ERC2: variants seen among roughly 807,000 people sequenced by gnomAD.
The protein encoded by ERC2 is ERC protein 2.
ERC2 carries 42 observed loss-of-function variants against 114.8 expected under a neutral mutation model. The observed-to-expected ratio is 0.37, with a 90% CI of 0.29 to 0.47. The LOEUF is 0.47. Among genes scored for constraint, ERC2 ranks in the 20% least tolerant of loss-of-function variants. The probability of loss-of-function intolerance (pLI) is 0.99; values close to 1 mark genes in which losing one functional copy is unlikely to be tolerated. For synonymous variants in ERC2, 454 were observed against 425.5 expected, an observed-to-expected ratio of 1.07 and a Z score of -0.82; for missense variants, 939 against 1,150.7, an observed-to-expected ratio of 0.82 and a Z score of 2.66.
intron 17 of ERC2, among the ~76,000 whole-genome samples, chr3:55,641,037 C>T (rs1473435996): frequency 1.3e-5 from 2 of 152,162 alleles, no homozygotes; most frequent in Non-Finnish European, 2.9e-5. Context: ...GGCTTCCATA[C>T]ATCTGGGGTG....
intron 12 of ERC2, among the ~76,000 whole-genome samples, chr3:55,979,820 T>C (rs2069928548): frequency 6.6e-6 from 1 of 151,802 alleles, no homozygotes; most frequent in African/African-American, 2.4e-5. Context: ...GTGGTAGGCC[T>C]GTAGTTCTAG....
chr3:56,175,839 A>G (rs2082946956), intron 3 of ERC2, among the ~76,000 whole-genome samples: 6 of 152,214 alleles, frequency 3.9e-5, no homozygotes, highest in Admixed American at 2.6e-4. Flanking sequence ...AGTTTTTAAT[A>G]TAATTTATTT....
At chr3:55,593,809 C>T (rs1269325322) in intron 17 of ERC2, among the ~76,000 whole-genome samples, 4 of 152,162 alleles carry the variant, frequency 2.6e-5, no homozygotes, top group African/African-American at 9.7e-5. Context: ...CAAAGAGGCC[C>T]CATTCTCCCC....
At chr3:56,327,430 G>C (rs2057413545) in intron 2 of ERC2, among the ~76,000 whole-genome samples, 1 of 152,124 alleles carries the variant, frequency 6.6e-6, no homozygotes, top group African/African-American at 2.4e-5. Flanking sequence ...CTTGATACGT[G>C]GGGATTACAA....
chr3:56,429,831 T>C (rs996739799), intron 2 of ERC2, among the ~76,000 whole-genome samples: 1 of 152,072 alleles, frequency 6.6e-6, no homozygotes, highest in Non-Finnish European at 1.5e-5. Flanking sequence ...AGCTCCAAGG[T>C]TCCAAATAGT....
At chr3:55,936,701 G>T (rs184283438) in intron 13 of ERC2, among the ~76,000 whole-genome samples, 115 of 152,278 alleles carry the variant, frequency 7.6e-4, no homozygotes, top group Non-Finnish European at 1.4e-3. Context: ...CAGTCAGTGA[G>T]GGAAACAATG....
intron 14 of ERC2, among the ~76,000 whole-genome samples, chr3:55,755,747 T>C (rs890649382): frequency 2.0e-5 from 3 of 152,160 alleles, no homozygotes; most frequent in African/African-American, 7.2e-5. Context: ...TAGTGACCTC[T>C]AAAAATGTTG....
At chr3:55,638,904 T>A (rs1464099032) in intron 17 of ERC2, among the ~76,000 whole-genome samples, 2 of 152,200 alleles carry the variant, frequency 1.3e-5, no homozygotes, top group Non-Finnish European at 2.9e-5. Flanking sequence ...ACCTCCATCT[T>A]ATCTTAGTGG....
At position 56,254,582 on chromosome 3, in the gene ERC2, A is replaced by ATCAT. The variant is rs1397562731; in HGVS notation, c.1074+41433_1074+41436dup. On this transcript the variant is annotated intron_variant, in intron 3 of 17. Coordinates refer to ENST00000288221, the MANE Select transcript of ERC2 (RefSeq NM_015576.3). ...GCTGACACTGTTGCACATTTGCACA[A>ATCAT]TCATTCATTCATTCATTCAAATATT... 5.3e-5 allele frequency among the ~76,000 whole-genome samples: 8 copies of ATCAT among 152,020 alleles called. No individual in the cohort carries two copies. The South Asian group carries it at 1.5e-3, about 28-fold the overall frequency.
At chr3:56,040,498 T>C (rs1488955328) in intron 7 of ERC2, among the ~76,000 whole-genome samples, 1 of 149,168 alleles carries the variant, frequency 6.7e-6, no homozygotes, top group Non-Finnish European at 1.5e-5. Flanking sequence ...ACAGCACTCA[T>C]CTCCCTTATA....
intron 3 of ERC2, among the ~76,000 whole-genome samples, chr3:56,181,911 T>C (rs949944519): frequency 6.6e-6 from 1 of 152,158 alleles, no homozygotes; most frequent in East Asian, 1.9e-4. Context: ...AAGTGGATCA[T>C]CCAGTCCCAT....
chr3:55,840,179 A>G (rs1438891113), intron 14 of ERC2, among the ~76,000 whole-genome samples: 1 of 152,030 alleles, frequency 6.6e-6, no homozygotes, highest in Non-Finnish European at 1.5e-5. Flanking sequence ...AAGAGCTTCA[A>G]AATAAGTAAA....
At chr3:55,626,160 T>C (rs1164511270) in intron 17 of ERC2, among the ~76,000 whole-genome samples, 2 of 152,172 alleles carry the variant, frequency 1.3e-5, no homozygotes, top group Non-Finnish European at 2.9e-5. Context: ...CACAGGGAAA[T>C]GTTTCTTTAG....
intron 2 of ERC2, among the ~76,000 whole-genome samples, chr3:56,389,125 G>A (rs1407709030): frequency 6.6e-6 from 1 of 152,098 alleles, no homozygotes; most frequent in African/African-American, 2.4e-5. Flanking sequence ...GTAGATAAAT[G>A]GGAAAAAGCA....
chr3:56,253,706 C>T (rs2052332650), intron 3 of ERC2, among the ~76,000 whole-genome samples: 2 of 152,204 alleles, frequency 1.3e-5, no homozygotes, highest in Non-Finnish European at 2.9e-5. Context: ...TTGCACATCT[C>T]TCAGACTTTA....
intron 7 of ERC2, among the ~76,000 whole-genome samples, chr3:56,066,588 T>C (rs1278331526): frequency 1.3e-5 from 2 of 152,214 alleles, no homozygotes; most frequent in Non-Finnish European, 2.9e-5. Flanking sequence ...TTTTGCTTTG[T>C]TGCAATTGTT....
intron 2 of ERC2, among the ~76,000 whole-genome samples, chr3:56,398,331 G>T (rs575967303): frequency 6.6e-6 from 1 of 152,128 alleles, no homozygotes; most frequent in Non-Finnish European, 1.5e-5. Context: ...GTTTAAGACC[G>T]AAAGGGGTAA....
At chr3:56,119,506 C>T (rs1453599001) in intron 6 of ERC2, among the ~76,000 whole-genome samples, 1 of 152,206 alleles carries the variant, frequency 6.6e-6, no homozygotes, top group Non-Finnish European at 1.5e-5. Context: ...ACAGATTAAG[C>T]ATCTTTTCCC....
chr3:55,886,283 T>TC (rs1235427788), intron 14 of ERC2, among the ~76,000 whole-genome samples: 1 of 152,198 alleles, frequency 6.6e-6, no homozygotes, highest in Non-Finnish European at 1.5e-5. Context: ...GCAAAAAACA[T>TC]CATATGATAA....
Sources: gnomAD v4.1 joint callset for allele counts (sites outside exome capture counted in the v4.1 genomes callset) on GRCh38, gnomAD v4.1.1 for gene constraint, MANE v1.5 for transcripts, NCBI Gene and HGNC (gene_info 2026-07-23, HGNC 2026-07-21) for gene names.